The following HDAC5 variants were observed in gnomAD, a reference collection of about 807,000 sequenced individuals.
HDAC5 encodes the protein antigen NY-CO-9.
HDAC5 carries 25 observed loss-of-function variants against 133.3 expected under a neutral mutation model. The observed-to-expected ratio is 0.19, with a 90% CI of 0.14 to 0.26. HDAC5 has a LOEUF of 0.26. Ranked by LOEUF, HDAC5 falls within the 10% of genes least tolerant of loss-of-function variation. The pLI is 1.00. For missense variants in HDAC5, 1,041 were observed against 1,460.5 expected, an observed-to-expected ratio of 0.71 and a Z score of 4.68; for synonymous variants, 589 against 610.8, an observed-to-expected ratio of 0.96 and a Z score of 0.53.
rs1306453439 is a variant in HDAC5, at chr17:44,117,793, G to A, written c.-189-89C>T. The A allele has an allele frequency of 2.8e-5, 16 of 577,182 alleles. No homozygotes were observed. The East Asian group carries it at 4.5e-4, about 16-fold the overall frequency. The allele number at this position is 577,182 out of a possible 1,614,324, so 35.8% of individuals were successfully genotyped here. ...TTGGAGCTCATCAGTTTGTACCTGG[G>A]GATGAGGGATGAGAGGGAGGGATAC... On this transcript the variant is annotated intron_variant, in intron 1 of 26. Transcript: ENST00000682912. The surrounding 1 kb of genome is among the most constrained non-coding windows in gnomAD (Gnocchi z 4.2).
intron 3 of HDAC5, among the ~76,000 whole-genome samples, chr17:44,104,672 C>T (rs1351345101): frequency 2.0e-5 from 3 of 152,228 alleles, no homozygotes; most frequent in African/African-American, 7.2e-5. Context: ...GCTCAGGCCA[C>T]AATTGTGGGA....
At chr17:44,080,001 T>C (rs1387390854) in intron 23 of HDAC5, 106 bp downstream of exon 23, 1 of 852,776 alleles carries the variant, frequency 1.2e-6, no homozygotes. Context: ...CCCTGCCCCC[T>C]GCTTTCCCCG....
At chr17:44,118,410 C>T (rs942922674) in intron 1 of HDAC5, among the ~76,000 whole-genome samples, 3 of 152,152 alleles carry the variant, frequency 2.0e-5, no homozygotes, top group Non-Finnish European at 4.4e-5. Flanking sequence ...CAGGGAGATA[C>T]GAAATCCAGC....
At position 44,093,792 on chromosome 17, in the gene HDAC5, A is replaced by G; in HGVS notation, c.137T>C (p.Met46Thr). 2 of 1,560,248 alleles carry G rather than the reference A, an allele frequency of 1.3e-6. No individual in the cohort carries two copies. Among genetic ancestry groups the G allele is most frequent in the Non-Finnish European group, 1.7e-6 (2 of 1,152,488 alleles). Residue 46 changes from methionine to threonine, a missense_variant, in exon 4 of 27, where the codon ATG (methionine) becomes ACG (threonine). Physicochemically the swap from Met to Thr is moderately conservative, Grantham distance 81. Transcript: ENST00000682912. ...GGGGCTGCCTCCACCCCCACCCCCC[A>G]TGGAACTGGGCATGGCTCTTGGCAG... ...PVLPRAMPSS[M>T]GGGGGGSPSP...
chr17:44,103,052 A>T (rs1403851123), intron 3 of HDAC5, among the ~76,000 whole-genome samples: 1 of 151,784 alleles, frequency 6.6e-6, no homozygotes, highest in East Asian at 1.9e-4. Flanking sequence ...GGCCCTCAGG[A>T]CCTCCCTCAC....
chr17:44,120,206 A>T (rs1232818783), intron 1 of HDAC5: 1 of 152,248 alleles, frequency 6.6e-6, no homozygotes, highest in Non-Finnish European at 1.5e-5. Context: ...TAGGTTCACA[A>T]TGTTACCCTG....
chr17:44,117,388 T>C lies in HDAC5; in HGVS notation c.22+106A>G. On this transcript the variant is annotated intron_variant, in intron 2 of 26. Coordinates refer to ENST00000682912, the MANE Select transcript of HDAC5 (RefSeq NM_005474.5). The surrounding 1 kb of genome is among the most constrained non-coding windows in gnomAD (Gnocchi z 4.2). ...CTCCACTCCTTACCCCCTCATTCCC[T>C]TATAGCTCAGACAGTAAAGGTCAGC... 1 of 1,252,712 alleles carries C rather than the reference T, an allele frequency of 8.0e-7. No homozygotes were observed. Among genetic ancestry groups the C allele is most frequent in the Non-Finnish European group, 1.2e-6 (1 of 850,508 alleles). 77.6% of individuals were successfully genotyped at this position (1,252,712 alleles called of 1,614,324 possible).
chr17:44,121,826 A>C (rs976344485), intron 1 of HDAC5, among the ~76,000 whole-genome samples: 2 of 152,138 alleles, frequency 1.3e-5, no homozygotes, highest in Non-Finnish European at 2.9e-5. Flanking sequence ...GGAGGCTGGC[A>C]CAGAACTAAC....
rs745942318 is a variant in HDAC5 at position 44,111,592 on chromosome 17, T to A, written c.23-792A>T. 2.8e-4 allele frequency: 143 copies of A among 517,644 alleles called. 1 individual carries two copies. Among genetic ancestry groups the A allele is most frequent in the South Asian group, 2.0e-3 (142 of 71,468 alleles). 32.1% of individuals were successfully genotyped at this position (517,644 alleles called of 1,614,324 possible). ...CTTTCTTCTTGCCTTCCAGAACAGG[T>A]AAAGGAATTGGAAGGGTCTAGGAGA... On this transcript the variant is annotated intron_variant, in intron 2 of 26. Coordinates refer to ENST00000682912, the MANE Select transcript of HDAC5 (RefSeq NM_005474.5).
At chr17:44,116,513 T>C (rs1300828563) in intron 2 of HDAC5, among the ~76,000 whole-genome samples, 1 of 152,074 alleles carries the variant, frequency 6.6e-6, no homozygotes, top group Non-Finnish European at 1.5e-5. Context: ...TGCAAATGGG[T>C]ATTCATCCTA....
chr17:44,090,642 G>A (rs534124435), intron 11 of HDAC5, among the ~76,000 whole-genome samples: 163 of 151,904 alleles, frequency 1.1e-3, no homozygotes, highest in Admixed American at 1.0e-3. Flanking sequence ...CCAAAGTGCC[G>A]GGCTCACAGG....
chr17:44,086,257 A>C (rs1038019395), intron 14 of HDAC5, among the ~76,000 whole-genome samples: 1 of 152,198 alleles, frequency 6.6e-6, no homozygotes, highest in African/African-American at 2.4e-5. Flanking sequence ...CAGACCTCAC[A>C]GGGAGAAGGA....
intron 3 of HDAC5, among the ~76,000 whole-genome samples, chr17:44,104,149 C>T (rs1207861251): frequency 6.6e-6 from 1 of 151,474 alleles, no homozygotes; most frequent in African/African-American, 2.4e-5. Context: ...GGTGAAACCC[C>T]GTCTCTACTA....
At chr17:44,101,987 C>T (rs148536824) in intron 3 of HDAC5, among the ~76,000 whole-genome samples, 3 of 152,334 alleles carry the variant, frequency 2.0e-5, no homozygotes, top group East Asian at 1.9e-4. Flanking sequence ...GGAAGATCAC[C>T]GACCAAGTGG....
intron 2 of HDAC5, among the ~76,000 whole-genome samples, chr17:44,114,049 C>T (rs1341685798): frequency 1.3e-5 from 2 of 152,244 alleles, no homozygotes; most frequent in Non-Finnish European, 2.9e-5. Flanking sequence ...GCTGAACCCT[C>T]TCATTTGAAG....
At chr17:44,084,437 A>G in intron 16 of HDAC5, 118 bp downstream of exon 16, 1 of 1,233,110 alleles carries the variant, frequency 8.1e-7, no homozygotes, top group Non-Finnish European at 1.1e-6. Flanking sequence ...CCTCTGCCGC[A>G]GCAATGCCCT....
chr17:44,117,438 G>A lies in HDAC5; in HGVS notation c.22+56C>T. On this transcript the variant is annotated intron_variant, in intron 2 of 26. Transcript: ENST00000682912. The surrounding 1 kb of genome is among the most constrained non-coding windows in gnomAD (Gnocchi z 4.2). ...CTGGCCTGGAAGGGAAACCCACACAGCCCATTGCATCCGAAGCTACCCCAG... is the reference window on the plus strand; with the variant it reads ...CTGGCCTGGAAGGGAAACCCACACAACCCATTGCATCCGAAGCTACCCCAG... The A allele has an allele frequency of 1.3e-6, 2 of 1,588,870 alleles. No homozygotes were observed. The highest frequency in any genetic ancestry group is 2.2e-5 in the South Asian group (2 of 90,594).
chr17:44,092,891 T>C, intron 6 of HDAC5, 85 bp from the exon 7 acceptor site: 1 of 660,514 alleles, frequency 1.5e-6, no homozygotes, highest in Non-Finnish European at 2.6e-6. Context: ...TCTACATTTA[T>C]GAAAAATCGT....
In HDAC5 at chr17:44,091,260, G is replaced by C; in HGVS notation, c.1387+10C>G. Reference sequence around the variant, plus strand: ...AGCCCCCTCCCTTGCACAGCTACCTGTCCACTCACCAGCAATGAGGGTGCT... The same window carrying C: ...AGCCCCCTCCCTTGCACAGCTACCTCTCCACTCACCAGCAATGAGGGTGCT... On this transcript the variant is annotated intron_variant, in intron 11 of 26. Coordinates refer to ENST00000682912, the MANE Select transcript of HDAC5 (RefSeq NM_005474.5). 1.2e-6 allele frequency: 2 copies of C among 1,603,478 alleles called. No homozygotes were observed. Among genetic ancestry groups the C allele is most frequent in the Non-Finnish European group, 1.7e-6 (2 of 1,174,486 alleles).
Sources: allele counts gnomAD v4.1 joint callset (sites outside exome capture counted in the v4.1 genomes callset), GRCh38; gene constraint gnomAD v4.1.1; non-coding constraint Gnocchi (gnomAD v3.1); transcripts MANE v1.5; gene names NCBI Gene and HGNC (gene_info 2026-07-23, HGNC 2026-07-21).